The following FAM53B variants were observed in gnomAD, a reference collection of about 807,000 sequenced individuals.
FAM53B encodes the protein family with sequence similarity 53 member B, also known as protein FAM53B.
FAM53B carries 12 observed loss-of-function variants against 32.7 expected under a neutral mutation model. The ratio of observed to expected loss-of-function variants is 0.37; its 90% CI spans 0.24 to 0.59. FAM53B has a LOEUF of 0.59. Among genes scored for constraint, FAM53B ranks in the 20% least tolerant of loss-of-function variants. The probability of loss-of-function intolerance (pLI) is 0.72; values close to 1 mark genes in which losing one functional copy is unlikely to be tolerated. For missense variants in FAM53B, 477 were observed against 577.7 expected, an observed-to-expected ratio of 0.83 and a Z score of 1.79; for synonymous variants, 234 against 228.7, an observed-to-expected ratio of 1.02 and a Z score of -0.21.
intron 4 of FAM53B, among the ~76,000 whole-genome samples, chr10:124,646,151 AG>A (rs1363996219): frequency 2.6e-5 from 4 of 152,216 alleles, no homozygotes; most frequent in African/African-American, 7.2e-5. Context: ...ATGAGCATCT[AG>A]CGGATGGAGT....
chr10:124,631,056 G>A (rs1339680717), intron 4 of FAM53B, among the ~76,000 whole-genome samples: 3 of 152,242 alleles, frequency 2.0e-5, no homozygotes, highest in African/African-American at 7.2e-5. Context: ...GCCAGTCCAG[G>A]CCACGCTGAG....
At chr10:124,632,852 C>T (rs978661790) in intron 4 of FAM53B, among the ~76,000 whole-genome samples, 2 of 152,222 alleles carry the variant, frequency 1.3e-5, no homozygotes, top group South Asian at 2.1e-4. Flanking sequence ...AGCATGCAGT[C>T]CTCCGGCAGG....
At chr10:124,739,950 C>CA (rs964327309) in intron 1 of FAM53B, among the ~76,000 whole-genome samples, 36 of 151,036 alleles carry the variant, frequency 2.4e-4, no homozygotes, top group Non-Finnish European at 4.4e-4. Context: ...CCACATTTAA[C>CA]AAAAAAACAA....
At chr10:124,673,117 C>T (rs971814096) in intron 4 of FAM53B, among the ~76,000 whole-genome samples, 4 of 152,070 alleles carry the variant, frequency 2.6e-5, no homozygotes, top group African/African-American at 7.2e-5. Flanking sequence ...TTCTTGAGCC[C>T]CTTATGCCTA....
At chr10:124,689,586 T>C (rs1289452506) in intron 3 of FAM53B, among the ~76,000 whole-genome samples, 1 of 152,176 alleles carries the variant, frequency 6.6e-6, no homozygotes, top group Non-Finnish European at 1.5e-5. Context: ...CTAGAGGTAA[T>C]GCACCATCAG....
chr10:124,689,480 G>A (rs892154602), intron 3 of FAM53B, among the ~76,000 whole-genome samples: 1 of 152,202 alleles, frequency 6.6e-6, no homozygotes. Flanking sequence ...CACCTGGGAT[G>A]GACTGTAAAA....
intron 4 of FAM53B, among the ~76,000 whole-genome samples, chr10:124,652,926 C>T (rs991594895): frequency 1.2e-4 from 19 of 152,176 alleles, no homozygotes; most frequent in African/African-American, 4.6e-4. Flanking sequence ...GGTGTGTGCT[C>T]GACCAATCAA....
chr10:124,676,763 A>AC (rs1265259020), intron 4 of FAM53B, among the ~76,000 whole-genome samples: 2 of 151,658 alleles, frequency 1.3e-5, no homozygotes, highest in African/African-American at 4.8e-5. Flanking sequence ...TCCTGGACTC[A>AC]CCCCCAGGAA....
rs1345377940 is a variant in FAM53B at position 124,619,620 on chromosome 10, A to G, written c.*3622T>C. On this transcript the variant is annotated 3_prime_UTR_variant, in exon 5 of 5. Coordinates refer to ENST00000337318, the MANE Select transcript of FAM53B (RefSeq NM_014661.4). Reference sequence around the variant, plus strand: ...CTATGCTAGAAGGTCAGACTATCCTATCTAGGCTACAAGATCTCCACTTCG... The same window carrying G: ...CTATGCTAGAAGGTCAGACTATCCTGTCTAGGCTACAAGATCTCCACTTCG... 6.6e-5 allele frequency: 10 copies of G among 152,310 alleles called. No individual in the cohort carries two copies. The allele number at this position is 152,310 out of a possible 1,614,324, so 9.4% of individuals were successfully genotyped here.
At chr10:124,648,646 C>T (rs534427844) in intron 4 of FAM53B, among the ~76,000 whole-genome samples, 6 of 152,390 alleles carry the variant, frequency 3.9e-5, no homozygotes, top group South Asian at 2.1e-4. Flanking sequence ...AGGCATGGTG[C>T]GTGCACCAAC....
chr10:124,711,796 T>C (rs1176905806), intron 1 of FAM53B, among the ~76,000 whole-genome samples: 1 of 152,008 alleles, frequency 6.6e-6, no homozygotes, highest in Non-Finnish European at 1.5e-5. Context: ...CTCGCACCAG[T>C]GATCCCAGCA....
At chr10:124,664,652 G>A (rs1949657278) in intron 4 of FAM53B, among the ~76,000 whole-genome samples, 1 of 152,176 alleles carries the variant, frequency 6.6e-6, no homozygotes, top group African/African-American at 2.4e-5. Flanking sequence ...CTGTGCCCAA[G>A]GCCAGGCCCT....
chr10:124,738,170 T>C (rs1365596653), intron 1 of FAM53B, among the ~76,000 whole-genome samples: 3 of 151,882 alleles, frequency 2.0e-5, no homozygotes, highest in Non-Finnish European at 4.4e-5. Flanking sequence ...GCCCCCAATC[T>C]CCTGCTAAGG....
At chr10:124,643,593 GC>G (rs1045231242) in intron 4 of FAM53B, among the ~76,000 whole-genome samples, 9 of 152,268 alleles carry the variant, frequency 5.9e-5, no homozygotes, top group Non-Finnish European at 1.2e-4. Context: ...AAAAATCTGA[GC>G]CTGTGGGCCT....
In FAM53B at chr10:124,733,973, G is replaced by A. The variant is rs991765753; in HGVS notation, c.-175+10040C>T. Among the ~76,000 whole-genome samples, 1 of 152,142 alleles carries A rather than the reference G, an allele frequency of 6.6e-6. No individual in the cohort carries two copies. The highest frequency in any genetic ancestry group is 2.1e-4 in the South Asian group (1 of 4,828). On this transcript the variant is annotated intron_variant, in intron 1 of 4. Coordinates refer to ENST00000337318, the MANE Select transcript of FAM53B (RefSeq NM_014661.4). This position sits in a 1 kb window ranked among gnomAD's most constrained non-coding sequence, Gnocchi z 4.3. ...TGTGACTGGGGACACCTGCTCTCCT[G>A]GTCTCGAATGTCTCCTCCTCCCCGT...
At chr10:124,641,610 C>CA (rs1422300884) in intron 4 of FAM53B, among the ~76,000 whole-genome samples, 1 of 152,222 alleles carries the variant, frequency 6.6e-6, no homozygotes. Flanking sequence ...ACGGGGAACT[C>CA]AGAGATAAGA....
chr10:124,662,081 A>C (rs376528820), intron 4 of FAM53B, among the ~76,000 whole-genome samples: 5 of 152,144 alleles, frequency 3.3e-5, no homozygotes, highest in East Asian at 3.9e-4. Flanking sequence ...TTTGTGGACA[A>C]CACCTGAGAT....
intron 3 of FAM53B, among the ~76,000 whole-genome samples, chr10:124,684,709 G>A (rs1949792150): frequency 6.6e-6 from 1 of 152,004 alleles, no homozygotes. Context: ...TGTAGACATG[G>A]GGTTTCACCA....
Position 124,620,355 on chromosome 10 carries a change from G to GCGCCC in FAM53B, c.*2886_*2887insGGGCG. Reference sequence around the variant, plus strand: ...ATGAGTGGGGTGCATGTGGCACTAAGCCCCCCCCACCGCCCCGGCTTTCCT... The same window carrying GCGCCC: ...ATGAGTGGGGTGCATGTGGCACTAAGCGCCCCCCCCCCCACCGCCCCGGCTTTCCT... On this transcript the variant is annotated 3_prime_UTR_variant, in exon 5 of 5. Transcript: ENST00000337318. 7.6e-6 allele frequency: 1 copy of GCGCCC among 130,786 alleles called. No homozygotes were observed. The highest frequency in any genetic ancestry group is 2.7e-4 in the East Asian group (1 of 3,756). 8.1% of individuals were successfully genotyped at this position (130,786 alleles called of 1,614,324 possible). A position where few individuals can be genotyped will look rare whatever the true frequency, so the allele number is the denominator to read the frequency against.
Sources: allele counts gnomAD v4.1 joint callset (sites outside exome capture counted in the v4.1 genomes callset), GRCh38; gene constraint gnomAD v4.1.1; non-coding constraint Gnocchi (gnomAD v3.1); transcripts MANE v1.5; gene names NCBI Gene and HGNC (gene_info 2026-07-23, HGNC 2026-07-21).